IL1R1: variants seen among roughly 807,000 people sequenced by gnomAD.
IL1R1 encodes the protein interleukin 1 receptor type 1, also known as interleukin-1 receptor type 1.
A neutral mutation model predicts 50.2 loss-of-function variants in IL1R1; 22 were observed. That is an observed-to-expected ratio of 0.44 (90% confidence interval 0.31 to 0.63). IL1R1 has a LOEUF of 0.63. Among genes scored for constraint, IL1R1 ranks in the 20% least tolerant of loss-of-function variants. The pLI is 0.07. For synonymous variants in IL1R1, 251 were observed against 236.7 expected, an observed-to-expected ratio of 1.06 and a Z score of -0.55; for missense variants, 509 against 676.2, an observed-to-expected ratio of 0.75 and a Z score of 2.74.
rs563157620 is a variant in IL1R1 at position 102,122,471 on chromosome 2, C to T, written c.-84+17599C>T. 7.2e-5 allele frequency among the ~76,000 whole-genome samples: 11 copies of T among 152,268 alleles called. No individual in the cohort carries two copies. In the East Asian group the frequency reaches 1.7e-3, roughly 24 times the overall value. On this transcript the variant is annotated intron_variant, in intron 1 of 10. Coordinates refer to the IL1R1 transcript ENST00000409329. ...TGAGTGGACATGAAATAGAGAAGTG[C>T]TGTACCTGGCAATAGCAACTGAATC...
At chr2:102,157,907 A>G (rs1391988998) in intron 3 of IL1R1, 122 bp downstream of exon 3, 12 of 689,274 alleles carry the variant, frequency 1.7e-5, no homozygotes, top group Non-Finnish European at 5.1e-6. Flanking sequence ...CTGGGCACAG[A>G]GCCTCCTGGT....
intron 1 of IL1R1, among the ~76,000 whole-genome samples, chr2:102,110,286 C>A (rs901466350): frequency 6.6e-6 from 1 of 152,184 alleles, no homozygotes; most frequent in African/African-American, 2.4e-5. Context: ...TTTGTTATTT[C>A]AGGCAATGTT....
At chr2:102,096,604 T>A (rs1178780214) in intron 1 of IL1R1, among the ~76,000 whole-genome samples, 1 of 152,108 alleles carries the variant, frequency 6.6e-6, no homozygotes, top group East Asian at 1.9e-4. Context: ...TACATGTTTG[T>A]GTTACTAACT....
chr2:102,129,377 G>T (rs1475232729), intron 1 of IL1R1, among the ~76,000 whole-genome samples: 1 of 152,160 alleles, frequency 6.6e-6, no homozygotes, highest in African/African-American at 2.4e-5. Context: ...TCCTATTAAA[G>T]TGTCTAAATC....
intron 1 of IL1R1, among the ~76,000 whole-genome samples, chr2:102,148,022 A>T (rs1206639215): frequency 6.6e-6 from 1 of 152,114 alleles, no homozygotes; most frequent in Non-Finnish European, 1.5e-5. Context: ...GCTTTCTGAG[A>T]TGGTGAGTGA....
intron 1 of IL1R1, among the ~76,000 whole-genome samples, chr2:102,074,176 G>A (rs1425970627): frequency 1.3e-5 from 2 of 152,202 alleles, no homozygotes; most frequent in East Asian, 3.9e-4. Context: ...ATCTATTGCT[G>A]TGTAACTACC....
At chr2:102,104,932 T>C (rs1680320125) in intron 1 of IL1R1, 2 of 152,180 alleles carry the variant, frequency 1.3e-5, no homozygotes, top group South Asian at 4.1e-4. Context: ...CTCCTTTTTT[T>C]GGGTTTACTT....
intron 1 of IL1R1, among the ~76,000 whole-genome samples, chr2:102,097,429 G>T (rs367773594): frequency 3.9e-5 from 6 of 152,020 alleles, no homozygotes; most frequent in African/African-American, 1.5e-4. Context: ...TGGTCTATTT[G>T]TATATCCTTG....
At chr2:102,169,891 C>T (rs575925581) in intron 7 of IL1R1, among the ~76,000 whole-genome samples, 26 of 152,134 alleles carry the variant, frequency 1.7e-4, no homozygotes, top group African/African-American at 6.3e-4. Context: ...ATTTCAGTAC[C>T]ACAGTTATCT....
upstream of IL1R1, among the ~76,000 whole-genome samples, chr2:102,100,135 TC>T (rs1161153519): frequency 6.6e-6 from 1 of 152,228 alleles, no homozygotes; most frequent in East Asian, 1.9e-4. Context: ...ATCGTCGGGT[TC>T]TTTTGGCCAA....
chr2:102,164,301 C>T (rs934194987), intron 3 of IL1R1, among the ~76,000 whole-genome samples: 12 of 152,128 alleles, frequency 7.9e-5, no homozygotes, highest in African/African-American at 2.4e-4. Context: ...TGTTTTTTCT[C>T]GGCAATGTCA....
intron 1 of IL1R1, among the ~76,000 whole-genome samples, chr2:102,120,532 T>C (rs1681348413): frequency 6.6e-6 from 1 of 152,182 alleles, no homozygotes; most frequent in Non-Finnish European, 1.5e-5. Flanking sequence ...AATTGTCAAT[T>C]CCTTAGGCAC....
chr2:102,085,182 T>G (rs75702732), intron 1 of IL1R1, among the ~76,000 whole-genome samples: 4,363 of 152,308 alleles, frequency 0.029, 206 homozygotes, highest in African/African-American at 0.099. Flanking sequence ...CTCTGTGGAT[T>G]GCATTTCATT....
At chr2:102,107,067 C>T (rs1680458398) in intron 1 of IL1R1, among the ~76,000 whole-genome samples, 1 of 152,182 alleles carries the variant, frequency 6.6e-6, no homozygotes, top group African/African-American at 2.4e-5. Flanking sequence ...ATCCCTGCTG[C>T]TAAATTAATC....
At chr2:102,149,576 GTTC>G (rs1683470709) in intron 1 of IL1R1, among the ~76,000 whole-genome samples, 1 of 152,140 alleles carries the variant, frequency 6.6e-6, no homozygotes, top group South Asian at 2.1e-4. Flanking sequence ...CAGCACCCCT[GTTC>G]TTAACCATGT....
At chr2:102,130,004 T>TA (rs757027535) in intron 1 of IL1R1, among the ~76,000 whole-genome samples, 11 of 152,212 alleles carry the variant, frequency 7.2e-5, no homozygotes, top group Non-Finnish European at 1.5e-4. Context: ...CAATTATTTT[T>TA]AAAAAACGAA....
At chr2:102,156,554 C>G (rs1684211048) in intron 2 of IL1R1, among the ~76,000 whole-genome samples, 1 of 151,398 alleles carries the variant, frequency 6.6e-6, no homozygotes, top group Non-Finnish European at 1.5e-5. Context: ...CTCTGTCACT[C>G]AGGCTGGAGT....
At chr2:102,148,487 C>T (rs779640092) in intron 1 of IL1R1, among the ~76,000 whole-genome samples, 7 of 152,206 alleles carry the variant, frequency 4.6e-5, no homozygotes, top group Non-Finnish European at 1.0e-4. Flanking sequence ...CCTAGCACTC[C>T]AAAGCAGCCC....
chr2:102,177,061 T>A lies in IL1R1; in HGVS notation c.*302T>A. On this transcript the variant is annotated 3_prime_UTR_variant, in exon 12 of 12. Coordinates refer to ENST00000410023, the MANE Select transcript of IL1R1 (RefSeq NM_000877.4). ...TGGGTGGATCACCAGAGGTCAGGAGTTCGAGACCAGCCCAGCCAACATGGC... is the reference window on the plus strand; with the variant it reads ...TGGGTGGATCACCAGAGGTCAGGAGATCGAGACCAGCCCAGCCAACATGGC... 1 of 303,222 alleles carries A rather than the reference T, an allele frequency of 3.3e-6. No individual in the cohort carries two copies. Among genetic ancestry groups the A allele is most frequent in the Non-Finnish European group, 6.2e-6 (1 of 161,514 alleles). The allele number at this position is 303,222 out of a possible 1,614,324, so 18.8% of individuals were successfully genotyped here.
Sources: gnomAD v4.1 joint callset for allele counts (sites outside exome capture counted in the v4.1 genomes callset) on GRCh38, gnomAD v4.1.1 for gene constraint, MANE v1.5 for transcripts, NCBI Gene and HGNC (gene_info 2026-07-23, HGNC 2026-07-21) for gene names.